TRIP11: variants seen among roughly 807,000 people sequenced by gnomAD.
TRIP11 encodes thyroid receptor-interacting protein 11.
Under a neutral mutation model 223.1 loss-of-function variants are expected in TRIP11, and 148 were observed. That is an observed-to-expected ratio of 0.66 (90% CI 0.58 to 0.76). The LOEUF is 0.76. Among genes scored for constraint, TRIP11 ranks in the 30% least tolerant of loss-of-function variants. The probability of loss-of-function intolerance (pLI) is 0.00; values close to 1 mark genes in which losing one functional copy is unlikely to be tolerated. For synonymous variants in TRIP11, 762 were observed against 772.6 expected, an observed-to-expected ratio of 0.99 and a Z score of 0.23; for missense variants, 2,043 against 2,222.0, an observed-to-expected ratio of 0.92 and a Z score of 1.62.
intron 20 of TRIP11, among the ~76,000 whole-genome samples, chr14:91,970,930 C>T (rs117436658): frequency 0.017 from 2,574 of 152,228 alleles, 27 homozygotes; most frequent in South Asian, 0.026. Flanking sequence ...TAAAGAAAAA[C>T]AAACCCATAT....
chr14:91,972,606 G>T, intron 20 of TRIP11, 111 bp downstream of exon 20: 1 of 1,143,282 alleles, frequency 8.7e-7, no homozygotes, highest in Non-Finnish European at 1.2e-6. Context: ...TGGAAGTCCT[G>T]ATTACACATT....
At chr14:92,033,909 C>T (rs964973345) in intron 1 of TRIP11, among the ~76,000 whole-genome samples, 4 of 152,092 alleles carry the variant, frequency 2.6e-5, no homozygotes, top group Admixed American at 2.6e-4. Context: ...CTTTAGCTTC[C>T]CTATTTTAGT....
At chr14:91,977,094 T>TCTA in intron 16 of TRIP11, 1 of 336,150 alleles carries the variant, frequency 3.0e-6, no homozygotes, top group Non-Finnish European at 5.9e-6. Flanking sequence ...TCTAGAAACA[T>TCTA]TCACATCCAA....
At chr14:91,997,594 A>C (rs2056766926) in intron 13 of TRIP11, among the ~76,000 whole-genome samples, 1 of 152,136 alleles carries the variant, frequency 6.6e-6, no homozygotes, top group Non-Finnish European at 1.5e-5. Flanking sequence ...GGCAAGATTC[A>C]TAGAACAACT....
intron 10 of TRIP11, 80 bp from the exon 11 acceptor site, chr14:92,006,528 A>G (rs2090617038): frequency 2.9e-6 from 4 of 1,359,668 alleles, no homozygotes; most frequent in Non-Finnish European, 3.1e-6. Flanking sequence ...AATCTCATAC[A>G]TAATAGAAAA....
intron 16 of TRIP11, among the ~76,000 whole-genome samples, chr14:91,983,780 A>C (rs2056571716): frequency 6.6e-6 from 1 of 152,192 alleles, no homozygotes; most frequent in Admixed American, 6.5e-5. Flanking sequence ...TTTGGGTAAC[A>C]AAGCGTCTGG....
chr14:92,011,375 C>T (rs2056970005), intron 8 of TRIP11, among the ~76,000 whole-genome samples: 1 of 150,092 alleles, frequency 6.7e-6, no homozygotes, highest in Non-Finnish European at 1.5e-5. Context: ...CCTATCATCC[C>T]AGCTACTCGG....
rs764357693 is a variant in TRIP11 at position 92,006,396 on chromosome 14, C to G, written c.1580G>C (p.Ser527Thr). The change falls in exon 11 of 21, where the codon AGC (serine) becomes ACC (threonine). Residue 527 changes from serine (S) to threonine (T), a missense_variant. Ser to Thr is a moderately conservative substitution (Grantham distance 58, BLOSUM62 1). Coordinates refer to ENST00000267622, the MANE Select transcript of TRIP11 (RefSeq NM_004239.4). ...QLSKQQNEGD[S>T]IISKLKQDLN... is the part of the protein sequence containing the mutation. ...ATCTTGTTTCAGTTTACTGATGATG[C>G]TATCTCCTTCATTTTGTTGTTTTGA... 23 of 1,612,984 alleles carry G rather than the reference C, an allele frequency of 1.4e-5. No individual in the cohort carries two copies. The highest frequency in any genetic ancestry group is 1.9e-5 in the Non-Finnish European group (23 of 1,179,680).
At chr14:92,011,406 G>T (rs940211393) in intron 8 of TRIP11, among the ~76,000 whole-genome samples, 1 of 142,722 alleles carries the variant, frequency 7.0e-6, no homozygotes, top group Non-Finnish European at 1.5e-5. Context: ...CAGGAGAATC[G>T]CTTGAACCTG....
chr14:91,992,959 C>G (rs895230334), intron 15 of TRIP11, among the ~76,000 whole-genome samples: 1 of 114,276 alleles, frequency 8.8e-6, no homozygotes, highest in African/African-American at 3.2e-5. Context: ...TCTCCTAAAT[C>G]TAAAAGCACG....
At chr14:91,997,703 T>A (rs1489915803) in intron 13 of TRIP11, among the ~76,000 whole-genome samples, 1 of 151,742 alleles carries the variant, frequency 6.6e-6, no homozygotes, top group African/African-American at 2.4e-5. Context: ...AGAAAGTGAG[T>A]AATACAGTTT....
At chr14:91,993,746 A>G in intron 15 of TRIP11, 63 bp downstream of exon 15, 1 of 1,310,664 alleles carries the variant, frequency 7.6e-7, no homozygotes, top group Non-Finnish European at 1.1e-6. Flanking sequence ...TCCAAGACAA[A>G]GACTCTACAA....
intron 16 of TRIP11, among the ~76,000 whole-genome samples, chr14:91,981,594 T>C (rs1038489807): frequency 2.0e-5 from 3 of 152,106 alleles, no homozygotes; most frequent in African/African-American, 4.8e-5. Context: ...GCTTTCACCA[T>C]GTTGGCCAAG....
rs752274274 is a variant in TRIP11, at chr14:92,017,666, C to G, written c.657+16G>C. The G allele has an allele frequency of 1.9e-6, 3 of 1,594,648 alleles. No individual in the cohort carries two copies. The African/African-American group carries it at 4.0e-5, about 21-fold the overall frequency. ...TAGATGTATAACTCCCATCATCAAT[C>G]AACAATTTGACTTACCTTAATGATA... On this transcript the variant is annotated intron_variant, in intron 5 of 20. Coordinates refer to ENST00000267622, the MANE Select transcript of TRIP11 (RefSeq NM_004239.4).
intron 16 of TRIP11, among the ~76,000 whole-genome samples, chr14:91,985,546 A>G (rs2056595204): frequency 6.6e-6 from 1 of 152,206 alleles, no homozygotes; most frequent in Non-Finnish European, 1.5e-5. Flanking sequence ...ATAATCAACC[A>G]TTTGGAATAA....
intron 18 of TRIP11, 130 bp downstream of exon 18, chr14:91,975,042 G>T: frequency 1.2e-6 from 1 of 867,054 alleles, no homozygotes; most frequent in Non-Finnish European, 1.9e-6. Flanking sequence ...AATGTTGTAT[G>T]AAGTAATTCC....
intron 15 of TRIP11, among the ~76,000 whole-genome samples, chr14:91,991,401 G>A (rs1386059262): frequency 3.3e-5 from 5 of 152,124 alleles, no homozygotes; most frequent in Non-Finnish European, 7.4e-5. Flanking sequence ...TATTGTATCA[G>A]CACAAAATGG....
In TRIP11 at chr14:92,037,459, C is replaced by A. The variant is rs2057336065; in HGVS notation, c.139+2088G>T. On this transcript the variant is annotated intron_variant, in intron 1 of 20. Transcript: ENST00000267622. The surrounding 1 kb of genome is among the most constrained non-coding windows in gnomAD (Gnocchi z 4.2). The stretch of plus-strand genomic sequence containing the variant: ...GAAGGAGGAAATAGAGAAGAAAGGG[C>A]TTTCCATGTAGAGGCTTGAAGTTGT... Among the ~76,000 whole-genome samples the A allele has an allele frequency of 6.6e-6, 1 of 152,184 alleles. No individual in the cohort carries two copies. Among genetic ancestry groups the A allele is most frequent in the Admixed American group, 6.5e-5 (1 of 15,274 alleles).
At chr14:91,980,393 GA>G (rs1219516595) in intron 16 of TRIP11, among the ~76,000 whole-genome samples, 1 of 151,826 alleles carries the variant, frequency 6.6e-6, no homozygotes, top group African/African-American at 2.4e-5. Context: ...ACCTGACTGA[GA>G]AAAAAAAGGA....
Sources: allele counts gnomAD v4.1 joint callset (sites outside exome capture counted in the v4.1 genomes callset), GRCh38; gene constraint gnomAD v4.1.1; non-coding constraint Gnocchi (gnomAD v3.1); transcripts MANE v1.5; gene names NCBI Gene and HGNC (gene_info 2026-07-23, HGNC 2026-07-21).